The following SLC39A11 variants were observed in gnomAD, a reference collection of about 807,000 sequenced individuals.
SLC39A11 encodes the protein solute carrier family 39 member 11, also known as zinc transporter ZIP11.
SLC39A11 carries 33 observed loss-of-function variants against 36.1 expected under a neutral mutation model. That is an observed-to-expected ratio of 0.91 (90% confidence interval 0.69 to 1.22). The LOEUF is 1.22. Among genes scored for constraint, SLC39A11 ranks in the 50% most tolerant of loss-of-function variants. The pLI, the probability that SLC39A11 is intolerant of heterozygous loss-of-function variation, is 0.00. For missense variants in SLC39A11, 432 were observed against 430.3 expected (o/e 1.00, Z -0.03); for synonymous variants, 166 against 170.3 (o/e 0.97, Z 0.20).
chr17:72,669,927 C>CAT (rs540891444), intron 7 of SLC39A11, among the ~76,000 whole-genome samples: 5 of 148,626 alleles, frequency 3.4e-5, no homozygotes, highest in African/African-American at 7.5e-5. Context: ...TGTATATACA[C>CAT]ATATATACGT....
At chr17:72,726,172 G>C (rs989811490) in intron 7 of SLC39A11, among the ~76,000 whole-genome samples, 4 of 152,158 alleles carry the variant, frequency 2.6e-5, no homozygotes, top group Non-Finnish European at 5.9e-5. Flanking sequence ...TGCTGCCTGG[G>C]GCAGGTCTAG....
At chr17:73,018,396 A>G (rs2058237216) in intron 4 of SLC39A11, among the ~76,000 whole-genome samples, 1 of 152,024 alleles carries the variant, frequency 6.6e-6, no homozygotes, top group Non-Finnish European at 1.5e-5. Context: ...TAAACTACAA[A>G]AATTATCCAC....
At chr17:73,013,724 G>C (rs565801447) in intron 4 of SLC39A11, among the ~76,000 whole-genome samples, 3 of 151,934 alleles carry the variant, frequency 2.0e-5, no homozygotes, top group African/African-American at 7.2e-5. Context: ...GCTATCGTTA[G>C]TATTTGTTCC....
At chr17:72,926,463 T>G (rs978781108) in intron 5 of SLC39A11, among the ~76,000 whole-genome samples, 2 of 152,208 alleles carry the variant, frequency 1.3e-5, no homozygotes, top group Middle Eastern at 3.2e-3. Flanking sequence ...GAAAAATGAC[T>G]GGAGGCTCCT....
At chr17:72,834,018 C>T (rs1016077193) in intron 6 of SLC39A11, among the ~76,000 whole-genome samples, 9 of 152,232 alleles carry the variant, frequency 5.9e-5, no homozygotes, top group Non-Finnish European at 1.3e-4. Context: ...GAACAGCTCT[C>T]TTACACTGTC....
At chr17:72,749,383 G>A (rs886868726) in intron 6 of SLC39A11, among the ~76,000 whole-genome samples, 28 of 152,200 alleles carry the variant, frequency 1.8e-4, no homozygotes, top group African/African-American at 6.3e-4. Context: ...ACGGCAGGCA[G>A]GGAAGTGTCT....
chr17:73,086,208 G>C (rs2060724253), intron 2 of SLC39A11, among the ~76,000 whole-genome samples: 1 of 152,100 alleles, frequency 6.6e-6, no homozygotes, highest in African/African-American at 2.4e-5. Context: ...CTTGATCTGG[G>C]CTCTAGTTTC....
intron 4 of SLC39A11, among the ~76,000 whole-genome samples, chr17:72,990,662 A>AAGTGATTC (rs2089108576): frequency 1.3e-5 from 2 of 152,168 alleles, no homozygotes; most frequent in South Asian, 4.1e-4. Context: ...TCCTGACCTC[A>AAGTGATTC]AGTGATTCAC....
chr17:72,936,668 C>T (rs2084784171), intron 5 of SLC39A11, among the ~76,000 whole-genome samples: 1 of 152,148 alleles, frequency 6.6e-6, no homozygotes, highest in South Asian at 2.1e-4. Context: ...CAGGGACTCT[C>T]CCTGGAGAAC....
Position 72,648,841 on chromosome 17 carries a change from G to A in SLC39A11, c.891C>T (p.Tyr297=), listed in dbSNP as rs146713017. Residue 297 remains tyrosine (Y), a synonymous_variant, in exon 9 of 10, where the codon TAC becomes TAT. Coordinates refer to ENST00000255559, the MANE Select transcript of SLC39A11 (RefSeq NM_139177.4). ...ALAFAAGAMV[Y]VVMDDIIPEA... ...CGGGGATGATGTCGTCCATGACCAC[G>A]TAGACCATGGCACCGGCAGCAAAGG... 3.3e-5 allele frequency: 54 copies of A among 1,614,202 alleles called. No individual in the cohort carries two copies. The highest frequency in any genetic ancestry group is 1.6e-4 in the African/African-American group (12 of 75,060).
intron 4 of SLC39A11, among the ~76,000 whole-genome samples, chr17:73,026,124 AGAG>A (rs2058528126): frequency 6.6e-6 from 1 of 150,458 alleles, no homozygotes; most frequent in African/African-American, 2.5e-5. Flanking sequence ...CTCGGAAGAG[AGAG>A]AAGAGAAGAG....
At chr17:73,028,134 A>G (rs2058620712) in intron 4 of SLC39A11, among the ~76,000 whole-genome samples, 1 of 152,178 alleles carries the variant, frequency 6.6e-6, no homozygotes, top group African/African-American at 2.4e-5. Context: ...AGGGGAATGA[A>G]TCAGGAACTG....
chr17:72,915,680 C>T (rs1019265783), intron 5 of SLC39A11, among the ~76,000 whole-genome samples: 1 of 152,232 alleles, frequency 6.6e-6, no homozygotes, highest in Non-Finnish European at 1.5e-5. Context: ...CCTTGGGAAT[C>T]CTGGCAGTGG....
At chr17:72,699,946 T>A (rs1169699380) in intron 7 of SLC39A11, among the ~76,000 whole-genome samples, 2 of 152,074 alleles carry the variant, frequency 1.3e-5, no homozygotes, top group Non-Finnish European at 2.9e-5. Flanking sequence ...ACCAAAAAAA[T>A]CAGTCCACGA....
rs572533863 is a variant in SLC39A11, at chr17:73,036,688, C to A, written c.148-4974G>T. On this transcript the variant is annotated intron_variant, in intron 3 of 9. Coordinates refer to ENST00000255559, the MANE Select transcript of SLC39A11 (RefSeq NM_139177.4). ...TCTCGAACTCCCGACCTTAGGTGAC[C>A]CACCTGCCTCGGCCTCCCAAAGTGC... Among the ~76,000 whole-genome samples the A allele has an allele frequency of 7.9e-5, 12 of 152,202 alleles. No homozygotes were observed. The South Asian group carries it at 2.1e-3, about 26-fold the overall frequency.
chr17:72,706,012 C>T (rs187773682), intron 7 of SLC39A11, among the ~76,000 whole-genome samples: 221 of 152,312 alleles, frequency 1.5e-3, no homozygotes, highest in Middle Eastern at 3.4e-3. Flanking sequence ...CCCCAGGACA[C>T]GTGGCTGCCA....
intron 3 of SLC39A11, among the ~76,000 whole-genome samples, chr17:73,043,882 T>A (rs1346986111): frequency 6.6e-6 from 1 of 152,232 alleles, no homozygotes; most frequent in East Asian, 1.9e-4. Context: ...TGACTCAGTA[T>A]GAATCAAATC....
intron 6 of SLC39A11, among the ~76,000 whole-genome samples, chr17:72,804,826 C>G (rs987805257): frequency 6.6e-6 from 1 of 152,170 alleles, no homozygotes; most frequent in Non-Finnish European, 1.5e-5. Context: ...TCAAGACCAT[C>G]CTGGCCAACA....
At chr17:72,708,902 T>C (rs73349468) in intron 7 of SLC39A11, among the ~76,000 whole-genome samples, 17,453 of 152,212 alleles carry the variant, frequency 0.11, 1,273 homozygotes, top group African/African-American at 0.19. Flanking sequence ...CCTTTGGCTC[T>C]GTTTTCTGAG....
Sources: allele counts gnomAD v4.1 joint callset (sites outside exome capture counted in the v4.1 genomes callset), GRCh38; gene constraint gnomAD v4.1.1; transcripts MANE v1.5; gene names NCBI Gene and HGNC (gene_info 2026-07-23, HGNC 2026-07-21).